The following TRPM8 variants were observed in gnomAD, a reference collection of about 807,000 sequenced individuals.
The protein encoded by TRPM8 is TRPM8 cationic channel.
In TRPM8, 110 loss-of-function variants were observed where a neutral mutation model predicts 133.7. The ratio of observed to expected loss-of-function variants is 0.82; its 90% confidence interval spans 0.70 to 0.96. TRPM8 has a LOEUF of 0.96. Ranked by LOEUF, TRPM8 falls within the 40% of genes least tolerant of loss-of-function variation. The probability of loss-of-function intolerance (pLI) is 0.00; values close to 1 mark genes in which losing one functional copy is unlikely to be tolerated. For synonymous variants in TRPM8, 535 were observed against 532.3 expected (o/e 1.01, Z -0.07); for missense variants, 1,291 against 1,379.5 (o/e 0.94, Z 1.02).
chr2:233,991,421 C>T (rs1413845884), intron 21 of TRPM8, among the ~76,000 whole-genome samples: 1 of 152,160 alleles, frequency 6.6e-6, no homozygotes, highest in African/African-American at 2.4e-5. Flanking sequence ...ATGTGTTACA[C>T]AGTTTAACAT....
intron 22 of TRPM8, among the ~76,000 whole-genome samples, chr2:233,996,764 GTAA>G (rs1022104100): frequency 3.2e-4 from 48 of 152,336 alleles, no homozygotes; most frequent in African/African-American, 1.2e-3. Flanking sequence ...GACAGATCGT[GTAA>G]TAATAATGTA....
intron 2 of TRPM8, among the ~76,000 whole-genome samples, chr2:233,929,140 A>G (rs1477003231): frequency 6.6e-6 from 1 of 151,540 alleles, no homozygotes; most frequent in South Asian, 2.1e-4. Context: ...TGGTATGTGG[A>G]TTTCTGGTCT....
chr2:233,967,680 T>C (rs1415047602), intron 15 of TRPM8, among the ~76,000 whole-genome samples: 2 of 152,248 alleles, frequency 1.3e-5, no homozygotes, highest in African/African-American at 4.8e-5. Context: ...GCAACTAAGC[T>C]AGACTAAATG....
chr2:233,966,652 A>G lies in TRPM8; in HGVS notation c.1922A>G (p.Glu641Gly). 1 of 1,614,122 alleles carries G rather than the reference A, an allele frequency of 6.2e-7. No homozygotes were observed. Residue 641 changes from glutamate (E) to glycine (G), a missense_variant, in exon 15 of 26, where the codon GAA becomes GGA. Glu to Gly is a moderately conservative substitution (Grantham distance 98, BLOSUM62 -2). Transcript: ENST00000324695. ...ECYSSDEDLA[E>G]QLLVYSCEAW... The stretch of plus-strand genomic sequence containing the variant: ...TACAGCAGCGATGAAGACTTGGCAG[A>G]ACAGCTGCTGGTCTATTCCTGTGAA...
At chr2:233,927,730 CTTT>C (rs1269888362) in intron 2 of TRPM8, among the ~76,000 whole-genome samples, 2 of 49,780 alleles carry the variant, frequency 4.0e-5, no homozygotes, top group Non-Finnish European at 6.0e-5. Flanking sequence ...TTCTTTCTTT[CTTT>C]CTTTCTTTCT....
intron 17 of TRPM8, among the ~76,000 whole-genome samples, chr2:233,973,485 G>A (rs1324808705): frequency 2.0e-5 from 3 of 152,188 alleles, no homozygotes; most frequent in South Asian, 2.1e-4. Context: ...GAGTGATTGT[G>A]TCCAAATCTC....
At chr2:233,920,038 G>A (rs1390905849) in intron 1 of TRPM8, among the ~76,000 whole-genome samples, 2 of 152,156 alleles carry the variant, frequency 1.3e-5, no homozygotes, top group Non-Finnish European at 1.5e-5. Flanking sequence ...TTAGCACCTG[G>A]GAACTTGCTA....
At chr2:233,945,588 T>C (rs576106536) in intron 6 of TRPM8, among the ~76,000 whole-genome samples, 6 of 152,294 alleles carry the variant, frequency 3.9e-5, no homozygotes, top group African/African-American at 1.4e-4. Flanking sequence ...GAACCAAGAA[T>C]GGGACTGGGA....
intron 12 of TRPM8, 88 bp downstream of exon 12, chr2:233,961,154 T>A: frequency 1.5e-6 from 2 of 1,320,710 alleles, no homozygotes; most frequent in African/African-American, 1.5e-5. Context: ...ACTCCCTATC[T>A]TATTGCCATA....
At position 233,957,032 on chromosome 2, in the gene TRPM8, C is replaced by A. The variant is rs1691310096; in HGVS notation, c.1362+1782C>A. ...ATGGCTAAGGAAATGGACTCTGGAG[C>A]CAGCCCATCTGCATGACTTTGGGCA... is the stretch of plus-strand genomic sequence containing the variant. On this transcript the variant is annotated intron_variant, in intron 11 of 25. Transcript: ENST00000324695. Among the ~76,000 whole-genome samples the A allele has an allele frequency of 2.0e-5, 3 of 152,286 alleles. No individual in the cohort carries two copies. The South Asian group carries it at 6.2e-4, about 32-fold the overall frequency.
chr2:234,013,627 T>C (rs1048341608), intron 24 of TRPM8: 2 of 152,168 alleles, frequency 1.3e-5, no homozygotes, highest in Admixed American at 6.5e-5. Flanking sequence ...TTTAAAAATG[T>C]ATTTTGCTCT....
intron 21 of TRPM8, among the ~76,000 whole-genome samples, chr2:233,994,456 G>A (rs986065244): frequency 6.6e-6 from 1 of 152,184 alleles, no homozygotes; most frequent in African/African-American, 2.4e-5. Flanking sequence ...TACAGGCATA[G>A]CATAGGAGCT....
Position 233,974,664 on chromosome 2 carries a change from C to T in TRPM8, c.2355+4238C>T, listed in dbSNP as rs112682657. ...CCTGGGAGGTCACACAGGCCTCCAA[C>T]CCTTGGTGGTGACTCATAGGCAGGA... On this transcript the variant is annotated intron_variant, in intron 17 of 25. Coordinates refer to ENST00000324695, the MANE Select transcript of TRPM8 (RefSeq NM_024080.5). Among the ~76,000 whole-genome samples, 1,393 of 152,294 alleles carry T rather than the reference C, an allele frequency of 9.1e-3. 9 individuals are homozygous for T. The highest frequency in any genetic ancestry group is 0.012 in the Non-Finnish European group (847 of 68,020).
At chr2:233,982,476 G>T (rs1692035540) in intron 19 of TRPM8, among the ~76,000 whole-genome samples, 1 of 152,172 alleles carries the variant, frequency 6.6e-6, no homozygotes, top group African/African-American at 2.4e-5. Flanking sequence ...TAAATCAGAC[G>T]AGCATTGAGA....
At chr2:233,957,882 C>T (rs1167677767) in intron 11 of TRPM8, among the ~76,000 whole-genome samples, 1 of 152,180 alleles carries the variant, frequency 6.6e-6, no homozygotes, top group East Asian at 1.9e-4. Context: ...TTACCGTTAC[C>T]CAACTGATCA....
chr2:233,947,652 C>T (rs574624761), intron 8 of TRPM8: 788 of 1,242,650 alleles, frequency 6.3e-4, no homozygotes, highest in Non-Finnish European at 7.0e-4. Flanking sequence ...AATGGTTCTG[C>T]ACCTGCAACA....
chr2:233,953,096 G>A (rs191361514), intron 9 of TRPM8, among the ~76,000 whole-genome samples: 3 of 152,236 alleles, frequency 2.0e-5, no homozygotes, highest in African/African-American at 7.2e-5. Context: ...CTACCTGGGT[G>A]CTTTGAACTA....
intron 24 of TRPM8, among the ~76,000 whole-genome samples, chr2:234,010,861 A>T (rs1407031561): frequency 6.6e-6 from 1 of 152,152 alleles, no homozygotes; most frequent in African/African-American, 2.4e-5. Flanking sequence ...TTCCCTATGT[A>T]TTGTGGATAT....
At chr2:233,917,549 T>G (rs1409394227) in intron 1 of TRPM8, 117 bp downstream of exon 1, 1 of 152,242 alleles carries the variant, frequency 6.6e-6, no homozygotes, top group African/African-American at 2.4e-5. Context: ...CTATGAAGAT[T>G]TGAAACTAAA....
Sources: allele counts gnomAD v4.1 joint callset (sites outside exome capture counted in the v4.1 genomes callset), GRCh38; gene constraint gnomAD v4.1.1; transcripts MANE v1.5; gene names NCBI Gene and HGNC (gene_info 2026-07-23, HGNC 2026-07-21).